Variants in SCNN1G observed in about 807,000 individuals in gnomAD.
SCNN1G encodes sodium channel epithelial 1 subunit gamma.
A neutral mutation model predicts 64.6 loss-of-function variants in SCNN1G; 27 were observed. That is an observed-to-expected ratio of 0.42 (90% CI 0.31 to 0.58). The LOEUF (loss-of-function observed/expected upper bound fraction) is 0.58. Ranked by LOEUF, SCNN1G falls within the 20% of genes least tolerant of loss-of-function variation. SCNN1G has a pLI of 0.18. For missense variants in SCNN1G, 743 were observed against 823.4 expected, an observed-to-expected ratio of 0.90 and a Z score of 1.19; for synonymous variants, 330 against 314.2, an observed-to-expected ratio of 1.05 and a Z score of -0.53.
intron 11 of SCNN1G, among the ~76,000 whole-genome samples, chr16:23,214,124 G>T (rs1960122798): frequency 6.6e-6 from 1 of 152,196 alleles, no homozygotes; most frequent in Admixed American, 6.5e-5. Context: ...AAATGAGTTG[G>T]AGTACTGGCT....
At chr16:23,211,423 ACTTAT>A in intron 7 of SCNN1G, among the ~76,000 whole-genome samples, 1 of 152,130 alleles carries the variant, frequency 6.6e-6, no homozygotes, top group Non-Finnish European at 1.5e-5. Flanking sequence ...TAATTTTCCC[ACTTAT>A]CTTTGTGTTG....
chr16:23,191,135 G>A (rs958879186), intron 3 of SCNN1G, among the ~76,000 whole-genome samples: 5 of 152,020 alleles, frequency 3.3e-5, no homozygotes, highest in South Asian at 2.1e-4. Flanking sequence ...GTGAGCCACC[G>A]CACCTGGCCT....
chr16:23,207,640 T>C lies in SCNN1G; in HGVS notation c.1078-2110T>C, dbSNP rs560845852. On this transcript the variant is annotated intron_variant, in intron 6 of 12. Transcript: ENST00000300061. Reference sequence around the variant, plus strand: ...ATGTCTGTCTGTCTGAGATGCAAGATCTGATCTGCTAGTGCGGGCACCCTG... The same window carrying C: ...ATGTCTGTCTGTCTGAGATGCAAGACCTGATCTGCTAGTGCGGGCACCCTG... Among the ~76,000 whole-genome samples, 9 of 152,318 alleles carry C rather than the reference T, an allele frequency of 5.9e-5. No individual in the cohort carries two copies. The East Asian group carries it at 1.7e-3, about 29-fold the overall frequency.
intron 4 of SCNN1G, among the ~76,000 whole-genome samples, chr16:23,192,927 G>C (rs1223662432): frequency 6.6e-6 from 1 of 151,722 alleles, no homozygotes; most frequent in East Asian, 1.9e-4. Context: ...AACTTAGCCA[G>C]GCATGGTGGT....
At chr16:23,214,660 G>T (rs760937267) in intron 11 of SCNN1G, 52 bp from the exon 12 acceptor site, 53 of 1,407,972 alleles carry the variant, frequency 3.8e-5, no homozygotes, top group Non-Finnish European at 5.1e-5. Context: ...GCTGAGGACT[G>T]GTAATCTGGT....
At chr16:23,187,187 C>T (rs1959624918) in intron 2 of SCNN1G, among the ~76,000 whole-genome samples, 1 of 150,702 alleles carries the variant, frequency 6.6e-6, no homozygotes, top group Non-Finnish European at 1.5e-5. Flanking sequence ...TAGCTCCCTG[C>T]AGCCCCGACC....
At chr16:23,204,334 T>TATATATAGAG (rs1567267153) in intron 6 of SCNN1G, among the ~76,000 whole-genome samples, 1 of 15,172 alleles carries the variant, frequency 6.6e-5, no homozygotes, top group Non-Finnish European at 1.1e-4. Flanking sequence ...TATATATATA[T>TATATATAGAG]AGAGAGAGAG....
At position 23,211,912 on chromosome 16, in the gene SCNN1G, G is replaced by T. The variant is rs9941210; in HGVS notation, c.1177-122G>T. ...ATGCCCAGCCCAGTTGGCATAAGGG[G>T]CAGGTTCATGTGGTTGGCCAAGGTT... On this transcript the variant is annotated intron_variant, in intron 7 of 12. Coordinates refer to ENST00000300061, the MANE Select transcript of SCNN1G (RefSeq NM_001039.4). The T allele has an allele frequency of 0.19, 150,011 of 777,652 alleles. 15,998 individuals carry two copies. Among genetic ancestry groups the T allele is most frequent in the African/African-American group, 0.25 (14,606 of 59,196 alleles). The allele number at this position is 777,652 out of a possible 1,614,324, so 48.2% of individuals were successfully genotyped here.
chr16:23,204,766 G>C (rs548790192), intron 6 of SCNN1G, among the ~76,000 whole-genome samples: 1 of 152,108 alleles, frequency 6.6e-6, no homozygotes, highest in South Asian at 2.1e-4. Flanking sequence ...ATACTAAATT[G>C]AGTTTGCTTC....
chr16:23,183,060 T>C (rs910751036), intron 1 of SCNN1G, among the ~76,000 whole-genome samples: 1 of 152,164 alleles, frequency 6.6e-6, no homozygotes, highest in African/African-American at 2.4e-5. Flanking sequence ...TCCGGGGGTC[T>C]GGGGGTCCCG....
At position 23,206,347 on chromosome 16, in the gene SCNN1G, T is replaced by C. The variant is rs1387142215; in HGVS notation, c.1078-3403T>C. 2.6e-5 allele frequency among the ~76,000 whole-genome samples: 4 copies of C among 152,226 alleles called. No individual in the cohort carries two copies. In the East Asian group the frequency reaches 5.8e-4, roughly 22 times the overall value. Reference sequence around the variant, plus strand: ...TGCAAGAAGGTGGGAGCTGGCTCTCTAACCCCAGAAGCTGTGGGGGCTTTG... The same window carrying C: ...TGCAAGAAGGTGGGAGCTGGCTCTCCAACCCCAGAAGCTGTGGGGGCTTTG... On this transcript the variant is annotated intron_variant, in intron 6 of 12. Transcript: ENST00000300061.
chr16:23,193,700 A>G (rs954085150), intron 4 of SCNN1G, among the ~76,000 whole-genome samples: 8 of 152,184 alleles, frequency 5.3e-5, no homozygotes, highest in African/African-American at 1.9e-4. Context: ...AGCCTCTTTC[A>G]CCTATCTGTA....
Position 23,192,420 on chromosome 16 carries a change from G to A in SCNN1G, c.687G>A (p.Trp229Ter). The A allele has an allele frequency of 6.2e-7, 1 of 1,614,068 alleles. No homozygotes were observed. The highest frequency in any genetic ancestry group is 8.5e-7 in the Non-Finnish European group (1 of 1,179,946). Residue 229 changes from tryptophan to a stop codon, truncating the protein, a stop_gained, in exon 4 of 13, where the codon TGG becomes TGA. Coordinates refer to ENST00000300061, the MANE Select transcript of SCNN1G (RefSeq NM_001039.4). LOFTEE classifies it high-confidence loss of function. Reference sequence around the variant, plus strand: ...CGGGAATCAATGCCATTCAGGAGTGGTATAAGCTACACTACATGAACATCA... The same window carrying A: ...CGGGAATCAATGCCATTCAGGAGTGATATAAGCTACACTACATGAACATCA... ...FSSGINAIQE[W>*]YKLHYMNIMA... is the part of the protein sequence containing the mutation.
intron 4 of SCNN1G, among the ~76,000 whole-genome samples, chr16:23,193,379 G>A (rs747956316): frequency 3.3e-5 from 5 of 151,986 alleles, no homozygotes; most frequent in Non-Finnish European, 5.9e-5. Flanking sequence ...GGGCACAGTG[G>A]CTCACGCTTG....
chr16:23,193,553 G>A (rs1018796058), intron 4 of SCNN1G, among the ~76,000 whole-genome samples: 23 of 152,210 alleles, frequency 1.5e-4, no homozygotes, highest in African/African-American at 5.5e-4. Context: ...GGAGGCTGAG[G>A]TGGGAAGATT....
chr16:23,190,831 A>ATTTTTTTTT (rs896029487), intron 3 of SCNN1G, among the ~76,000 whole-genome samples: 3 of 56,228 alleles, frequency 5.3e-5, no homozygotes, highest in Admixed American at 3.0e-4. Flanking sequence ...ATTTGAGGGG[A>ATTTTTTTTT]TTTTTTTTTT....
chr16:23,185,102 G>A (rs973714061), intron 1 of SCNN1G, among the ~76,000 whole-genome samples: 10 of 152,270 alleles, frequency 6.6e-5, no homozygotes, highest in Admixed American at 5.2e-4. Context: ...ATGCCATAGC[G>A]GTGAAGGCTG....
At position 23,193,541 on chromosome 16, in the gene SCNN1G, C is replaced by T. The variant is rs1959746433; in HGVS notation, c.810-630C>T. Among the ~76,000 whole-genome samples, 3 of 152,102 alleles carry T rather than the reference C, an allele frequency of 2.0e-5. No individual in the cohort carries two copies. The South Asian group carries it at 6.2e-4, about 32-fold the overall frequency. On this transcript the variant is annotated intron_variant, in intron 4 of 12. Transcript: ENST00000300061. ...GCACACACCTGTAGTCCCAGCTACT[C>T]AGGAGGCTGAGGTGGGAAGATTGCT...
intron 6 of SCNN1G, among the ~76,000 whole-genome samples, chr16:23,202,213 C>T (rs1443226525): frequency 7.7e-6 from 1 of 129,642 alleles, no homozygotes; most frequent in Non-Finnish European, 1.5e-5. Flanking sequence ...TAGAACATAA[C>T]AGATCCTCAG....
Sources: allele counts gnomAD v4.1 joint callset (sites outside exome capture counted in the v4.1 genomes callset), GRCh38; gene constraint gnomAD v4.1.1; transcripts MANE v1.5; gene names NCBI Gene and HGNC (gene_info 2026-07-23, HGNC 2026-07-21).